Variants in SUN1 observed in about 807,000 individuals in gnomAD.
SUN1 encodes SUN domain-containing protein 1.
Under a neutral mutation model 103.2 loss-of-function variants are expected in SUN1, and 61 were observed. The ratio of observed to expected loss-of-function variants is 0.59; its 90% confidence interval spans 0.48 to 0.73. SUN1 has a LOEUF of 0.73. Among genes scored for constraint, SUN1 ranks in the 30% least tolerant of loss-of-function variants. SUN1 has a pLI of 0.00. For missense variants in SUN1, 1,052 were observed against 1,034.6 expected (o/e 1.02, Z -0.23); for synonymous variants, 490 against 425.7 (o/e 1.15, Z -1.86).
chr7:836,117 C>T (rs1165354729), intron 1 of SUN1, among the ~76,000 whole-genome samples: 1 of 152,056 alleles, frequency 6.6e-6, no homozygotes, highest in Non-Finnish European at 1.5e-5. Flanking sequence ...GGTGGAGAGG[C>T]GTGGCTTTGA....
At chr7:829,144 A>G (rs1795583138), upstream of SUN1, among the ~76,000 whole-genome samples, 1 of 152,250 alleles carries the variant, frequency 6.6e-6, no homozygotes, top group Admixed American at 6.5e-5. Flanking sequence ...TTCTGATGCC[A>G]TTGAAAACAT....
At chr7:819,109 C>T (rs1189652137) in intron 1 of SUN1, among the ~76,000 whole-genome samples, 3 of 151,980 alleles carry the variant, frequency 2.0e-5, no homozygotes, top group Admixed American at 6.6e-5. Flanking sequence ...GTGATCTGCC[C>T]GCCTCGCCCT....
Position 865,832 on chromosome 7 carries a change from A to G in SUN1, c.1865-120A>G, listed in dbSNP as rs1266655528. The G allele has an allele frequency of 1.1e-5, 8 of 750,522 alleles. No individual in the cohort carries two copies. In the Admixed American group the frequency reaches 1.1e-4, roughly 10 times the overall value. 46.5% of individuals were successfully genotyped at this position (750,522 alleles called of 1,614,324 possible). A position where few individuals can be genotyped will look rare whatever the true frequency, so the allele number is the denominator to read the frequency against. ...GTAGTTTTTACTTGCATTTCTCTGA[A>G]TATCAGTGATGTCGAGCACTTTTCT... On this transcript the variant is annotated intron_variant, in intron 15 of 18. Transcript: ENST00000401592.
chr7:874,282 T>G lies in SUN1; in HGVS notation c.*951T>G, dbSNP rs568120388. On this transcript the variant is annotated 3_prime_UTR_variant, in exon 19 of 19. Coordinates refer to ENST00000401592, the MANE Select transcript of SUN1 (RefSeq NM_001130965.3). The stretch of plus-strand genomic sequence containing the variant: ...AGCAGCATTTCTTACTGGCTGTGGC[T>G]GGAATCTGCCTTTTATCACAGCTGT... 6.5e-6 allele frequency: 1 copy of G among 152,792 alleles called. No homozygotes were observed. Among genetic ancestry groups the G allele is most frequent in the South Asian group, 2.1e-4 (1 of 4,832 alleles). The allele number at this position is 152,792 out of a possible 1,614,324, so 9.5% of individuals were successfully genotyped here.
Position 851,786 on chromosome 7 carries a change from C to T in SUN1, c.758-164C>T, listed in dbSNP as rs970956560. On this transcript the variant is annotated intron_variant, in intron 6 of 18. Coordinates refer to ENST00000401592, the MANE Select transcript of SUN1 (RefSeq NM_001130965.3). ...GTCCTGTGTGTTCATCAGCATGATA[C>T]GTTACTGCCTTGCTTCCTGCCGTGG... The T allele has an allele frequency of 3.7e-5, 25 of 672,014 alleles. No individual in the cohort carries two copies. In the East Asian group the frequency reaches 4.9e-4, roughly 13 times the overall value. 41.6% of individuals were successfully genotyped at this position (672,014 alleles called of 1,614,324 possible).
chr7:823,813 G>A (rs903768622), intron 1 of SUN1, among the ~76,000 whole-genome samples: 5 of 152,134 alleles, frequency 3.3e-5, no homozygotes, highest in African/African-American at 7.2e-5. Flanking sequence ...TGGGGCACGC[G>A]CCCTGGGGAG....
At chr7:871,789 C>T (rs1841888402) in intron 17 of SUN1, among the ~76,000 whole-genome samples, 1 of 152,238 alleles carries the variant, frequency 6.6e-6, no homozygotes, top group African/African-American at 2.4e-5. Context: ...AGTCCTTTCC[C>T]ATTTCAAAAT....
chr7:816,284 C>A (rs1408731642), upstream of SUN1: 1 of 206,716 alleles, frequency 4.8e-6, no homozygotes, highest in Non-Finnish European at 9.4e-6. Context: ...ATGCAAACCC[C>A]CCCCAGCAGG....
intron 5 of SUN1, chr7:849,859 G>T: frequency 6.6e-7 from 1 of 1,517,546 alleles, no homozygotes; most frequent in Non-Finnish European, 9.0e-7. Flanking sequence ...TGCTATGCAC[G>T]GCTGAGATGG....
chr7:855,572 C>G (rs1826354082), intron 11 of SUN1, among the ~76,000 whole-genome samples: 2 of 152,174 alleles, frequency 1.3e-5, no homozygotes, highest in African/African-American at 4.8e-5. Context: ...ATTGAACTAC[C>G]TTGAGAAGTG....
chr7:846,971 C>T (rs1816459899), intron 5 of SUN1, among the ~76,000 whole-genome samples: 2 of 152,250 alleles, frequency 1.3e-5, no homozygotes, highest in Non-Finnish European at 2.9e-5. Context: ...TATGATCATG[C>T]CCCTGCTAGG....
At chr7:860,013 A>G in intron 13 of SUN1, 115 bp from the exon 14 acceptor site, 2 of 1,316,642 alleles carry the variant, frequency 1.5e-6, no homozygotes, top group Non-Finnish European at 2.1e-6. Context: ...TCACAATGAC[A>G]TTCTAGATTT....
chr7:857,866 T>C lies in SUN1; in HGVS notation c.1433T>C (p.Leu478Pro). 6.3e-7 allele frequency: 1 copy of C among 1,598,802 alleles called. No individual in the cohort carries two copies. The highest frequency in any genetic ancestry group is 8.6e-7 in the Non-Finnish European group (1 of 1,168,646). ...CAGCTCCTGCCCACAGTCGAGCACC[T>C]CCAGCTGGAGCTGGATCAGCTAAAG... is the stretch of plus-strand genomic sequence containing the variant. ...GEQLLPTVEHLQLELDQLKSE... is the reference protein window; with the variant it reads ...GEQLLPTVEHPQLELDQLKSE... Residue 478 changes from leucine to proline, a missense_variant, in exon 13 of 19, where the codon CTC becomes CCC. Coordinates refer to ENST00000401592, the MANE Select transcript of SUN1 (RefSeq NM_001130965.3).
rs1843043619 is a variant in SUN1 at position 873,572 on chromosome 7, C to G, written c.*241C>G. The G allele has an allele frequency of 2.2e-6, 1 of 455,310 alleles. No individual in the cohort carries two copies. Among genetic ancestry groups the G allele is most frequent in the Non-Finnish European group, 3.9e-6 (1 of 254,646 alleles). The allele number at this position is 455,310 out of a possible 1,614,324, so 28.2% of individuals were successfully genotyped here. A position where few individuals can be genotyped will look rare whatever the true frequency, so the allele number is the denominator to read the frequency against. On this transcript the variant is annotated 3_prime_UTR_variant, in exon 19 of 19. Coordinates refer to ENST00000401592, the MANE Select transcript of SUN1 (RefSeq NM_001130965.3). The stretch of plus-strand genomic sequence containing the variant: ...GGAGAAGCGTGTTGAACACGTGGCT[C>G]TCAGACACTCCTTGTTTTTAACGGG...
chr7:851,977 G>A lies in SUN1; in HGVS notation c.785G>A (p.Trp262Ter), dbSNP rs1166849889. The A allele has an allele frequency of 6.2e-7, 1 of 1,614,062 alleles. No individual in the cohort carries two copies. The highest frequency in any genetic ancestry group is 2.2e-5 in the East Asian group (1 of 44,878). ...AAGGCAGCCTCTGGAGTGTTCTGGT[G>A]GCTGGGGATTGGATGGTACCAGTTT... ...PGKAASGVFWWLGIGWYQFVT... is the reference protein window; with the variant it reads ...PGKAASGVFW Residue 262 changes from tryptophan to a stop codon, truncating the protein, a stop_gained, in exon 7 of 19, where the codon TGG becomes TAG. Coordinates refer to ENST00000401592, the MANE Select transcript of SUN1 (RefSeq NM_001130965.3). LOFTEE classifies it high-confidence loss of function.
At chr7:852,973 C>T (rs533461653) in intron 9 of SUN1, 21 bp downstream of exon 9, 21 of 1,603,530 alleles carry the variant, frequency 1.3e-5, no homozygotes, top group Non-Finnish European at 1.7e-5. Flanking sequence ...AGAAAGGCCT[C>T]TCAGCTGGCA....
upstream of SUN1, among the ~76,000 whole-genome samples, chr7:831,487 G>T (rs919103541): frequency 2.6e-5 from 4 of 152,140 alleles, no homozygotes; most frequent in Non-Finnish European, 5.9e-5. Flanking sequence ...AGCGAGGATG[G>T]TCTCGATCTC....
chr7:843,577 C>G, intron 5 of SUN1, 57 bp downstream of exon 5: 1 of 1,613,416 alleles, frequency 6.2e-7, no homozygotes, highest in Non-Finnish European at 8.5e-7. Context: ...TTTAATATTT[C>G]CTTTCTGTAA....
intron 5 of SUN1, chr7:848,532 A>T: frequency 7.3e-7 from 1 of 1,362,262 alleles, no homozygotes; most frequent in Non-Finnish European, 9.8e-7. Flanking sequence ...CTCAGTTATG[A>T]ATCAGAAAAT....
Sources: allele counts gnomAD v4.1 joint callset (sites outside exome capture counted in the v4.1 genomes callset), GRCh38; gene constraint gnomAD v4.1.1; transcripts MANE v1.5; gene names NCBI Gene and HGNC (gene_info 2026-07-23, HGNC 2026-07-21).